The following OR10AG1 variants were observed in gnomAD, a reference collection of about 807,000 sequenced individuals.
OR10AG1 encodes the protein olfactory receptor family 10 subfamily AG member 1.
For synonymous variants in OR10AG1, 147 were observed against 128.6 expected, an observed-to-expected ratio of 1.14 and a Z score of -0.97; for missense variants, 433 against 376.5, an observed-to-expected ratio of 1.15 and a Z score of -1.24.
At chr11:55,969,175 T>A (rs1192549194) in intron 1 of OR10AG1, among the ~76,000 whole-genome samples, 2 of 151,908 alleles carry the variant, frequency 1.3e-5, no homozygotes, top group Non-Finnish European at 2.9e-5. Context: ...GATGTAGAAA[T>A]TCATCACAAT....
Position 55,967,551 on chromosome 11 carries a change from C to T in OR10AG1, c.*7G>A. The stretch of plus-strand genomic sequence containing the variant: ...AGAAATTATTTCTGTAATTTCAAGT[C>T]TTCATCTCATGTTAATAACTTAGCT... On this transcript the variant is annotated 3_prime_UTR_variant, in exon 2 of 2. Transcript: ENST00000641071. The T allele has an allele frequency of 6.8e-7, 1 of 1,463,030 alleles. No individual in the cohort carries two copies. The allele number at this position is 1,463,030 out of a possible 1,614,324, so 90.6% of individuals were successfully genotyped here.
At position 55,967,565 on chromosome 11, in the gene OR10AG1, A is replaced by G. The variant is rs897656848; in HGVS notation, c.959T>C (p.Leu320Ser). 6 of 1,566,118 alleles carry G rather than the reference A, an allele frequency of 3.8e-6. No homozygotes were observed. The highest frequency in any genetic ancestry group is 5.2e-6 in the Non-Finnish European group (6 of 1,149,234). Residue 320 changes from leucine to serine, a missense_variant, in exon 2 of 2, where the codon TTA becomes TCA. Physicochemically the swap from Leu to Ser is moderately radical, Grantham distance 145. Coordinates refer to ENST00000641071, the MANE Select transcript of OR10AG1 (RefSeq NM_001005491.2). ...TAATTTCAAGTCTTCATCTCATGTT[A>G]ATAACTTAGCTAGTAATTTTCTCAA... Reference protein sequence around the residue: ...VALRKLLAKLLT With the variant: ...VALRKLLAKLST
rs34767099 is a variant in OR10AG1, at chr11:55,966,449, T to C, written c.*1109A>G. On this transcript the variant is annotated 3_prime_UTR_variant, in exon 2 of 2. Coordinates refer to ENST00000641071, the MANE Select transcript of OR10AG1 (RefSeq NM_001005491.2). ...AAAACTTAAATAAGAGGACAATTTG[T>C]GTGATATATTATTTCCCCTGGTTTA... is the stretch of plus-strand genomic sequence containing the variant. 10,593 of 152,028 alleles carry C rather than the reference T, an allele frequency of 0.07. 407 individuals are homozygous for C. The highest frequency in any genetic ancestry group is 0.11 in the Middle Eastern group (32 of 294). The allele number at this position is 152,028 out of a possible 1,614,324, so 9.4% of individuals were successfully genotyped here. A position where few individuals can be genotyped will look rare whatever the true frequency, so the allele number is the denominator to read the frequency against.
rs1390979488 is a variant in OR10AG1 at position 55,965,930 on chromosome 11, T to C, written c.*1628A>G. On this transcript the variant is annotated 3_prime_UTR_variant, in exon 2 of 2. Transcript: ENST00000641071. ...TTCCTAATATGCACATGTAAAATGC[T>C]ATATGAAATTATAGTTGCTATTATT... 6.6e-6 allele frequency: 1 copy of C among 152,066 alleles called. No individual in the cohort carries two copies. Among genetic ancestry groups the C allele is most frequent in the Non-Finnish European group, 1.5e-5 (1 of 67,996 alleles). The allele number at this position is 152,066 out of a possible 1,614,324, so 9.4% of individuals were successfully genotyped here. A position where few individuals can be genotyped will look rare whatever the true frequency, so the allele number is the denominator to read the frequency against.
At position 55,966,620 on chromosome 11, in the gene OR10AG1, T is replaced by G. The variant is rs900192255; in HGVS notation, c.*938A>C. 18 of 152,108 alleles carry G rather than the reference T, an allele frequency of 1.2e-4. No individual in the cohort carries two copies. The highest frequency in any genetic ancestry group is 4.1e-4 in the African/African-American group (17 of 41,372). The allele number at this position is 152,108 out of a possible 1,614,324, so 9.4% of individuals were successfully genotyped here. ...AGGATGACTCATTCCTTGCCCCTTTTTGTTTTGGTGAATCTTGACCATCTT... is the reference window on the plus strand; with the variant it reads ...AGGATGACTCATTCCTTGCCCCTTTGTGTTTTGGTGAATCTTGACCATCTT... On this transcript the variant is annotated 3_prime_UTR_variant, in exon 2 of 2. Coordinates refer to ENST00000641071, the MANE Select transcript of OR10AG1 (RefSeq NM_001005491.2).
Position 55,969,932 on chromosome 11 carries a change from A to G in OR10AG1, c.-25T>C, listed in dbSNP as rs1413956345. On this transcript the variant is annotated 5_prime_UTR_variant, in exon 1 of 2. Coordinates refer to ENST00000641071, the MANE Select transcript of OR10AG1 (RefSeq NM_001005491.2). Reference sequence around the variant, plus strand: ...TGAAGCTGTCTGTACAGACTTTTTAAGCTCTTCCTTTTCTCGGGAACTGTA... The same window carrying G: ...TGAAGCTGTCTGTACAGACTTTTTAGGCTCTTCCTTTTCTCGGGAACTGTA... The G allele has an allele frequency of 5.0e-6, 2 of 398,118 alleles. No individual in the cohort carries two copies. The highest frequency in any genetic ancestry group is 4.4e-5 in the Admixed American group (1 of 22,704). 24.7% of individuals were successfully genotyped at this position (398,118 alleles called of 1,614,324 possible). A position where few individuals can be genotyped will look rare whatever the true frequency, so the allele number is the denominator to read the frequency against.
chr11:55,967,966 A>T lies in OR10AG1; in HGVS notation c.558T>A (p.Asn186Lys). 1 of 1,614,084 alleles carries T rather than the reference A, an allele frequency of 6.2e-7. No homozygotes were observed. Among genetic ancestry groups the T allele is most frequent in the Non-Finnish European group, 8.5e-7 (1 of 1,179,992 alleles). ...LLPFCGTNTI[N>K]HFFCDIPPIL... ...TTGGCGGGATGTCACAAAAGAAATG[A>T]TTAATTGTGTTAGTTCCGCAAAAGG... Residue 186 changes from asparagine (N) to lysine (K), a missense_variant, in exon 2 of 2, where the codon AAT becomes AAA. By Grantham distance (94) the Asn-to-Lys change is moderately conservative. Coordinates refer to ENST00000641071, the MANE Select transcript of OR10AG1 (RefSeq NM_001005491.2).
Position 55,967,701 on chromosome 11 carries a change from GT to G in OR10AG1, c.822del (p.Lys274AsnfsTer11), listed in dbSNP as rs1852701610. 5 of 1,613,808 alleles carry G rather than the reference GT, an allele frequency of 3.1e-6. No homozygotes were observed. Among genetic ancestry groups the G allele is most frequent in the Middle Eastern group, 1.6e-4 (1 of 6,082 alleles). ...TTCCCCATCCTTTGAAACTGATGTG[GT>G]TTGGGCTGTAAATAAGTGATAGTAC... ...GAGTITYLQP[K>X]PHQFQRMGKL... On this transcript the variant is annotated frameshift_variant, in exon 2 of 2. Transcript: ENST00000641071. LOFTEE classifies it low-confidence loss of function (END_TRUNC).
chr11:55,968,096 T>C lies in OR10AG1; in HGVS notation c.428A>G (p.Tyr143Cys), dbSNP rs984173817. ...RYVAICKPLQ[Y>C]PLVMNHKVCI... ...GACTTTGTGGTTCATCACTAGAGGA[T>C]ACTGCAAAGGCTTACAAATAGCCAC... The change falls in exon 2 of 2, where the codon TAT becomes TGT. Residue 143 changes from tyrosine (Y) to cysteine (C), a missense_variant. Transcript: ENST00000641071. 5.6e-6 allele frequency: 9 copies of C among 1,613,912 alleles called. No individual in the cohort carries two copies. The highest frequency in any genetic ancestry group is 7.6e-6 in the Non-Finnish European group (9 of 1,179,970).
In OR10AG1 at chr11:55,968,050, A is replaced by C. The variant is rs769236477; in HGVS notation, c.474T>G (p.Ala158=). The change falls in exon 2 of 2, where the codon GCT becomes GCG. Residue 158 remains alanine, a synonymous_variant. Coordinates refer to ENST00000641071, the MANE Select transcript of OR10AG1 (RefSeq NM_001005491.2). ...CTACAGGAATTGTGATGGTCCAGGAAGCTATTATCAGCTGAATGCAGACTT... is the reference window on the plus strand; with the variant it reads ...CTACAGGAATTGTGATGGTCCAGGACGCTATTATCAGCTGAATGCAGACTT... ...NHKVCIQLII[A]SWTITIPVVI... is the part of the protein sequence containing the mutation. 4.3e-6 allele frequency: 7 copies of C among 1,614,124 alleles called. No individual in the cohort carries two copies. The highest frequency in any genetic ancestry group is 3.4e-6 in the Non-Finnish European group (4 of 1,180,006).
At position 55,966,330 on chromosome 11, in the gene OR10AG1, G is replaced by C. The variant is rs1342262111; in HGVS notation, c.*1228C>G. On this transcript the variant is annotated 3_prime_UTR_variant, in exon 2 of 2. Transcript: ENST00000641071. Reference sequence around the variant, plus strand: ...CAGAAGTCAATTTACTGCCCAAAATGCATGCAACAATTGAAGGGTAGGGTG... The same window carrying C: ...CAGAAGTCAATTTACTGCCCAAAATCCATGCAACAATTGAAGGGTAGGGTG... 1 of 149,362 alleles carries C rather than the reference G, an allele frequency of 6.7e-6. No homozygotes were observed. Among genetic ancestry groups the C allele is most frequent in the East Asian group, 1.9e-4 (1 of 5,138 alleles). The allele number at this position is 149,362 out of a possible 1,614,324, so 9.3% of individuals were successfully genotyped here.
Position 55,968,368 on chromosome 11 carries a change from G to T in OR10AG1, c.156C>A (p.Cys52Ter), listed in dbSNP as rs1210857217. The change falls in exon 2 of 2, where the codon TGC (cysteine) becomes TGA (stop). Residue 52 changes from cysteine to a stop codon, truncating the protein, a stop_gained. Transcript: ENST00000641071. LOFTEE classifies it low-confidence loss of function (END_TRUNC). The part of the protein sequence containing the change: ...FLLMYLMILM[C>*]NGIIILLIKI... The stretch of plus-strand genomic sequence containing the variant: ...TTATTAGTAGTATTATGATGCCATT[G>T]CACATCAGGATCATCAAATACATAA... 1 of 1,606,124 alleles carries T rather than the reference G, an allele frequency of 6.2e-7. No individual in the cohort carries two copies. Among genetic ancestry groups the T allele is most frequent in the African/African-American group, 1.3e-5 (1 of 74,756 alleles).
In OR10AG1 at chr11:55,968,272, A is replaced by G; in HGVS notation, c.252T>C (p.Tyr84=). 6.2e-7 allele frequency: 1 copy of G among 1,613,726 alleles called. No homozygotes were observed. The highest frequency in any genetic ancestry group is 8.5e-7 in the Non-Finnish European group (1 of 1,179,690). Residue 84 remains tyrosine, a synonymous_variant, in exon 2 of 2, where the codon TAT becomes TAC. Coordinates refer to ENST00000641071, the MANE Select transcript of OR10AG1 (RefSeq NM_001005491.2). The part of the protein sequence containing the change: ...LSNFSLLEIC[Y]VTIIIPRMLM... ...GCATTCTTGGGATAATGATTGTTAC[A>G]TAACAGATTTCCAAAAGGGAAAAAT... is the stretch of plus-strand genomic sequence containing the variant.
chr11:55,968,959 C>A (rs1253049054), intron 1 of OR10AG1, among the ~76,000 whole-genome samples: 1 of 151,956 alleles, frequency 6.6e-6, no homozygotes, highest in Non-Finnish European at 1.5e-5. Context: ...TCCTTTTATG[C>A]ACCAGTGAGA....
Position 55,967,417 on chromosome 11 carries a change from C to G in OR10AG1, c.*141G>C, listed in dbSNP as rs1268159839. On this transcript the variant is annotated 3_prime_UTR_variant, in exon 2 of 2. Coordinates refer to ENST00000641071, the MANE Select transcript of OR10AG1 (RefSeq NM_001005491.2). ...ACATAACTATATTCTGTGAATAAAA[C>G]ACCCCTTGACATAATGTAAGTTTGT... 8.5e-6 allele frequency: 5 copies of G among 590,970 alleles called. No individual in the cohort carries two copies. The highest frequency in any genetic ancestry group is 1.5e-5 in the Non-Finnish European group (5 of 337,494). 36.6% of individuals were successfully genotyped at this position (590,970 alleles called of 1,614,324 possible).
At chr11:55,969,591 T>C (rs1393040887) in intron 1 of OR10AG1, among the ~76,000 whole-genome samples, 1 of 152,170 alleles carries the variant, frequency 6.6e-6, no homozygotes, top group African/African-American at 2.4e-5. Flanking sequence ...GCATTTGACT[T>C]AATACGTTGA....
chr11:55,969,016 T>C (rs2134618374), intron 1 of OR10AG1, among the ~76,000 whole-genome samples: 1 of 152,216 alleles, frequency 6.6e-6, no homozygotes, highest in South Asian at 2.1e-4. Context: ...ACTAAATACA[T>C]GCATTATTGT....
chr11:55,969,024 T>C (rs948130850), intron 1 of OR10AG1, among the ~76,000 whole-genome samples: 2 of 152,112 alleles, frequency 1.3e-5, no homozygotes, highest in African/African-American at 4.8e-5. Context: ...CATGCATTAT[T>C]GTTGCTCTAC....
rs1444939378 is a variant in OR10AG1 at position 55,966,304 on chromosome 11, A to G, written c.*1254T>C. On this transcript the variant is annotated 3_prime_UTR_variant, in exon 2 of 2. Coordinates refer to ENST00000641071, the MANE Select transcript of OR10AG1 (RefSeq NM_001005491.2). ...TATATATATATATTTTTTTTTTTAA[A>G]CAGAAGTCAATTTACTGCCCAAAAT... The G allele has an allele frequency of 2.7e-5, 4 of 149,384 alleles. No individual in the cohort carries two copies. Among genetic ancestry groups the G allele is most frequent in the African/African-American group, 9.9e-5 (4 of 40,574 alleles). 9.3% of individuals were successfully genotyped at this position (149,384 alleles called of 1,614,324 possible).
Sources: allele counts gnomAD v4.1 joint callset (sites outside exome capture counted in the v4.1 genomes callset), GRCh38; gene constraint gnomAD v4.1.1; transcripts MANE v1.5; gene names NCBI Gene and HGNC (gene_info 2026-07-23, HGNC 2026-07-21).